Variants in ERC2 observed in about 807,000 individuals in gnomAD.
The protein encoded by ERC2 is ERC protein 2.
ERC2 carries 42 observed loss-of-function variants against 114.8 expected under a neutral mutation model. The ratio of observed to expected loss-of-function variants is 0.37; its 90% CI spans 0.29 to 0.47. ERC2 has a LOEUF of 0.47. Ranked by LOEUF, ERC2 falls within the 20% of genes least tolerant of loss-of-function variation. The probability of loss-of-function intolerance (pLI) is 0.99; values close to 1 mark genes in which losing one functional copy is unlikely to be tolerated. For missense variants in ERC2, 939 were observed against 1,150.7 expected (o/e 0.82, Z 2.66); for synonymous variants, 454 against 425.5 (o/e 1.07, Z -0.82).
intron 10 of ERC2, among the ~76,000 whole-genome samples, chr3:56,000,820 A>T (rs920934513): frequency 6.6e-6 from 1 of 151,672 alleles, no homozygotes; most frequent in African/African-American, 2.4e-5. Flanking sequence ...CCAGAGGCTG[A>T]GGCAGGAGGA....
chr3:55,888,263 C>T, intron 14 of ERC2, 126 bp downstream of exon 14: 1 of 1,115,962 alleles, frequency 9.0e-7, no homozygotes, highest in Non-Finnish European at 1.3e-6. Context: ...TCAGAAATGA[C>T]CAGGCAAGTG....
At chr3:56,178,028 C>G (rs527802901) in intron 3 of ERC2, among the ~76,000 whole-genome samples, 32 of 152,278 alleles carry the variant, frequency 2.1e-4, no homozygotes, top group African/African-American at 7.5e-4. Flanking sequence ...TTAGCTAGTG[C>G]AAAATTGCTA....
chr3:56,262,641 A>C (rs890865441), intron 3 of ERC2, among the ~76,000 whole-genome samples: 2 of 152,224 alleles, frequency 1.3e-5, no homozygotes, highest in Admixed American at 6.5e-5. Flanking sequence ...TGTTCCTTCT[A>C]AAAATGAGCA....
At chr3:56,118,369 C>T (rs2079368420) in intron 6 of ERC2, among the ~76,000 whole-genome samples, 1 of 152,100 alleles carries the variant, frequency 6.6e-6, no homozygotes, top group African/African-American at 2.4e-5. Context: ...CATAGGTGAG[C>T]ACTAAATGTG....
chr3:56,028,776 C>T (rs2149614375), intron 7 of ERC2, among the ~76,000 whole-genome samples: 1 of 152,046 alleles, frequency 6.6e-6, no homozygotes, highest in Middle Eastern at 3.4e-3. Context: ...ACAATGTCAT[C>T]TTCAAAAAAG....
At chr3:55,841,405 T>C (rs900268062) in intron 14 of ERC2, among the ~76,000 whole-genome samples, 1 of 152,150 alleles carries the variant, frequency 6.6e-6, no homozygotes, top group African/African-American at 2.4e-5. Context: ...TGACATGCCT[T>C]TGCTTCTCGT....
chr3:55,732,215 A>G (rs1028636063), intron 15 of ERC2, among the ~76,000 whole-genome samples: 6 of 152,214 alleles, frequency 3.9e-5, no homozygotes, highest in African/African-American at 1.4e-4. Context: ...AAGACCCAGC[A>G]TGGAGTAAAT....
chr3:55,602,651 G>A (rs561062086), intron 17 of ERC2, among the ~76,000 whole-genome samples: 2 of 152,196 alleles, frequency 1.3e-5, no homozygotes, highest in South Asian at 4.1e-4. Context: ...AGCTATTGTG[G>A]GACATGATGC....
chr3:56,241,358 C>A (rs1475940740), intron 3 of ERC2, among the ~76,000 whole-genome samples: 1 of 152,052 alleles, frequency 6.6e-6, no homozygotes, highest in Non-Finnish European at 1.5e-5. Context: ...CATCTCACAC[C>A]AGTCAGAATA....
intron 13 of ERC2, among the ~76,000 whole-genome samples, chr3:55,924,020 T>TG (rs1181288827): frequency 6.6e-6 from 1 of 152,132 alleles, no homozygotes; most frequent in Non-Finnish European, 1.5e-5. Flanking sequence ...ATTATTAAGC[T>TG]GGGGACACAA....
At chr3:55,925,318 G>T (rs2065684139) in intron 13 of ERC2, among the ~76,000 whole-genome samples, 1 of 152,148 alleles carries the variant, frequency 6.6e-6, no homozygotes, top group Non-Finnish European at 1.5e-5. Flanking sequence ...AGAAAGTATA[G>T]AGAGTAACTC....
chr3:56,055,821 C>T (rs2075988911), intron 7 of ERC2, among the ~76,000 whole-genome samples: 1 of 152,206 alleles, frequency 6.6e-6, no homozygotes, highest in South Asian at 2.1e-4. Flanking sequence ...ACTTGCATGC[C>T]CTCATGCTGA....
chr3:55,512,698 A>AT (rs1307529181), intron 17 of ERC2, among the ~76,000 whole-genome samples: 1 of 152,214 alleles, frequency 6.6e-6, no homozygotes, highest in Non-Finnish European at 1.5e-5. Flanking sequence ...ACAGTCATTT[A>AT]TTCAGTTGTG....
chr3:56,302,761 T>C (rs1049806418), intron 2 of ERC2, among the ~76,000 whole-genome samples: 1 of 152,206 alleles, frequency 6.6e-6, no homozygotes, highest in African/African-American at 2.4e-5. Flanking sequence ...TCTAGGGCCA[T>C]CTCTTTGGAA....
At chr3:56,436,755 G>C (rs1294310965) in intron 1 of ERC2, among the ~76,000 whole-genome samples, 1 of 152,218 alleles carries the variant, frequency 6.6e-6, no homozygotes, top group Non-Finnish European at 1.5e-5. Context: ...AGCTGGGAAA[G>C]ATAAGCTCTT....
chr3:55,607,266 G>A (rs1161786284), intron 17 of ERC2, among the ~76,000 whole-genome samples: 1 of 152,168 alleles, frequency 6.6e-6, no homozygotes, highest in Non-Finnish European at 1.5e-5. Flanking sequence ...GGAGCACAAA[G>A]CAAAGGCAGC....
chr3:55,572,949 C>A (rs1288595053), intron 17 of ERC2, among the ~76,000 whole-genome samples: 1 of 152,160 alleles, frequency 6.6e-6, no homozygotes, highest in Admixed American at 6.5e-5. Context: ...AGCTCAGAAA[C>A]CCCAGGGCCT....
At chr3:56,082,698 C>A (rs73072508) in intron 6 of ERC2, among the ~76,000 whole-genome samples, 1,829 of 152,150 alleles carry the variant, frequency 0.012, 14 homozygotes, top group Middle Eastern at 0.02. Context: ...TACAACAAAT[C>A]AAAATTAAAT....
At position 56,118,888 on chromosome 3, in the gene ERC2, G is replaced by A. The variant is rs564390956; in HGVS notation, c.1473+20621C>T. Among the ~76,000 whole-genome samples the A allele has an allele frequency of 6.0e-4, 91 of 152,046 alleles. 1 individual carries two copies. Among genetic ancestry groups the A allele is most frequent in the Non-Finnish European group, 2.9e-5 (2 of 67,992 alleles). On this transcript the variant is annotated intron_variant, in intron 6 of 17. Transcript: ENST00000288221. ...CCTGACCTTGTGACCCACCCGCCTC[G>A]GCCTCCCAAAGTGCTGGGATTACAG...
Sources: gnomAD v4.1 joint callset for allele counts (sites outside exome capture counted in the v4.1 genomes callset) on GRCh38, gnomAD v4.1.1 for gene constraint, MANE v1.5 for transcripts, NCBI Gene and HGNC (gene_info 2026-07-23, HGNC 2026-07-21) for gene names.